The following PRKG1 variants were observed in gnomAD, a reference collection of about 807,000 sequenced individuals.
The protein encoded by PRKG1 is cGMP-dependent protein kinase 1.
Under a neutral mutation model 88.1 loss-of-function variants are expected in PRKG1, and 35 were observed. The ratio of observed to expected loss-of-function variants is 0.40; its 90% CI spans 0.30 to 0.53. PRKG1 has a LOEUF of 0.53. PRKG1 is among the 20% of genes least tolerant of loss of function. The pLI is 0.59. For synonymous variants in PRKG1, 303 were observed against 292.5 expected, an observed-to-expected ratio of 1.04 and a Z score of -0.37; for missense variants, 540 against 839.8, an observed-to-expected ratio of 0.64 and a Z score of 4.41.
rs1206330213 is a variant in PRKG1 at position 51,404,955 on chromosome 10, G to A, written c.479-62768G>A. Among the ~76,000 whole-genome samples the A allele has an allele frequency of 2.6e-5, 4 of 152,042 alleles. No individual in the cohort carries two copies. In the East Asian group the frequency reaches 7.7e-4, roughly 29 times the overall value. On this transcript the variant is annotated intron_variant, in intron 2 of 17. Coordinates refer to ENST00000373980, the MANE Select transcript of PRKG1 (RefSeq NM_006258.4). ...TACTCTTCTTGTTTCTTTTTAAGAC[G>A]TGATTAAGGAAAAAAAATCACAAAG...
chr10:52,008,930 A>G (rs549991111), intron 5 of PRKG1, among the ~76,000 whole-genome samples: 10 of 152,302 alleles, frequency 6.6e-5, no homozygotes, highest in Admixed American at 5.9e-4. Context: ...AAAAAAACAC[A>G]TATTTATCTC....
At chr10:51,347,687 C>T (rs920529077) in intron 2 of PRKG1, among the ~76,000 whole-genome samples, 1 of 152,032 alleles carries the variant, frequency 6.6e-6, no homozygotes, top group Non-Finnish European at 1.5e-5. Context: ...AATCATCGTT[C>T]TTCTTGAAAT....
At chr10:51,507,495 A>G (rs529284984) in intron 3 of PRKG1, among the ~76,000 whole-genome samples, 3 of 152,042 alleles carry the variant, frequency 2.0e-5, no homozygotes, top group Admixed American at 6.6e-5. Flanking sequence ...CTGTAAAATT[A>G]TTTCATATTT....
At chr10:51,263,817 T>C (rs1336289012) in intron 2 of PRKG1, among the ~76,000 whole-genome samples, 1 of 152,176 alleles carries the variant, frequency 6.6e-6, no homozygotes, top group East Asian at 1.9e-4. Flanking sequence ...TCTTGTAGAG[T>C]TGAAAGAGAA....
In PRKG1 at chr10:51,781,188, C is replaced by T. The variant is rs1302509058; in HGVS notation, c.593-23397C>T. 2.6e-5 allele frequency among the ~76,000 whole-genome samples: 4 copies of T among 152,118 alleles called. No individual in the cohort carries two copies. The East Asian group carries it at 7.7e-4, about 29-fold the overall frequency. On this transcript the variant is annotated intron_variant, in intron 3 of 17. Transcript: ENST00000373980. Reference sequence around the variant, plus strand: ...TTATTTTTCCCCAGGGCCAAATGCCCTTTCTGCTTTACAAATATTAAAACA... The same window carrying T: ...TTATTTTTCCCCAGGGCCAAATGCCTTTTCTGCTTTACAAATATTAAAACA...
intron 4 of PRKG1, among the ~76,000 whole-genome samples, chr10:51,905,611 T>A (rs866693969): frequency 8.5e-5 from 13 of 152,214 alleles, no homozygotes; most frequent in Middle Eastern, 3.2e-3. Flanking sequence ...TGTTTTTTTT[T>A]ATTTAAAGTT....
chr10:51,093,717 CATGT>C (rs1564597405), intron 1 of PRKG1, among the ~76,000 whole-genome samples: 1 of 140,450 alleles, frequency 7.1e-6, no homozygotes, highest in African/African-American at 2.6e-5. Context: ...TATATAAATA[CATGT>C]GTGTGTGTAT....
chr10:51,175,058 C>T (rs141799911), intron 2 of PRKG1, among the ~76,000 whole-genome samples: 1 of 151,820 alleles, frequency 6.6e-6, no homozygotes, highest in Non-Finnish European at 1.5e-5. Flanking sequence ...TTATAACCAG[C>T]TAGTTTTCTA....
intron 3 of PRKG1, among the ~76,000 whole-genome samples, chr10:51,593,806 C>A (rs1186494304): frequency 6.6e-6 from 1 of 152,008 alleles, no homozygotes; most frequent in East Asian, 1.9e-4. Flanking sequence ...CTCACTGCAA[C>A]CTCTGCCTCC....
At chr10:51,685,639 A>G (rs1840968608) in intron 3 of PRKG1, among the ~76,000 whole-genome samples, 2 of 152,170 alleles carry the variant, frequency 1.3e-5, no homozygotes, top group Admixed American at 1.3e-4. Flanking sequence ...TTTCATGTCT[A>G]TATCAATATG....
intron 7 of PRKG1, among the ~76,000 whole-genome samples, chr10:52,115,692 G>A (rs938919533): frequency 3.3e-5 from 5 of 152,040 alleles, no homozygotes; most frequent in East Asian, 1.9e-4. Context: ...CTCTGATCAC[G>A]CTGCATTATA....
chr10:51,574,775 T>C (rs145373198), intron 3 of PRKG1, among the ~76,000 whole-genome samples: 1 of 151,972 alleles, frequency 6.6e-6, no homozygotes, highest in Non-Finnish European at 1.5e-5. Flanking sequence ...ACAGACTTTA[T>C]AGCCTTCTCA....
At chr10:51,834,711 AG>A (rs1840087525) in intron 4 of PRKG1, among the ~76,000 whole-genome samples, 1 of 150,282 alleles carries the variant, frequency 6.7e-6, no homozygotes, top group African/African-American at 2.5e-5. Flanking sequence ...AGAGAGAAAG[AG>A]AAAGAGAAAG....
chr10:51,323,401 G>C (rs1216210833), intron 2 of PRKG1, among the ~76,000 whole-genome samples: 1 of 152,132 alleles, frequency 6.6e-6, no homozygotes, highest in African/African-American at 2.4e-5. Context: ...GTAAGCTCCA[G>C]AATTAGATGA....
chr10:51,339,501 T>G (rs189553230), intron 2 of PRKG1, among the ~76,000 whole-genome samples: 26 of 152,008 alleles, frequency 1.7e-4, no homozygotes, highest in African/African-American at 6.3e-4. Flanking sequence ...TAATTTTCAT[T>G]ATACATATAT....
chr10:51,348,611 T>C (rs1474300961), intron 2 of PRKG1, among the ~76,000 whole-genome samples: 1 of 152,220 alleles, frequency 6.6e-6, no homozygotes, highest in Non-Finnish European at 1.5e-5. Context: ...CCAGATTGTC[T>C]CTCTTAGCAG....
chr10:51,895,826 C>A (rs1841830827), intron 4 of PRKG1, among the ~76,000 whole-genome samples: 1 of 151,348 alleles, frequency 6.6e-6, no homozygotes, highest in Admixed American at 6.6e-5. Flanking sequence ...AAGACAAGGA[C>A]CTTGGAGAAA....
intron 2 of PRKG1, among the ~76,000 whole-genome samples, chr10:51,236,698 G>T (rs1239750299): frequency 6.6e-6 from 1 of 151,824 alleles, no homozygotes; most frequent in Non-Finnish European, 1.5e-5. Flanking sequence ...AGACTACGGG[G>T]TTTCACCATA....
At chr10:52,293,694 C>T (rs1334616364) in intron 17 of PRKG1, 108 bp from the exon 18 acceptor site, 4 of 815,158 alleles carry the variant, frequency 4.9e-6, no homozygotes, top group Non-Finnish European at 8.1e-6. Context: ...AGTAGATACT[C>T]AATGAAATAG....
Sources: allele counts gnomAD v4.1 joint callset (sites outside exome capture counted in the v4.1 genomes callset), GRCh38; gene constraint gnomAD v4.1.1; transcripts MANE v1.5; gene names NCBI Gene and HGNC (gene_info 2026-07-23, HGNC 2026-07-21).